Variants in PLXDC2 observed in about 807,000 individuals in gnomAD.
PLXDC2 encodes the protein plexin domain-containing protein 2.
PLXDC2 carries 40 observed loss-of-function variants against 68.9 expected under a neutral mutation model. The ratio of observed to expected loss-of-function variants is 0.58; its 90% CI spans 0.45 to 0.76. The LOEUF is 0.76. Among genes scored for constraint, PLXDC2 ranks in the 30% least tolerant of loss-of-function variants. The pLI is 0.00. For missense variants in PLXDC2, 644 were observed against 661.9 expected (o/e 0.97, Z 0.30); for synonymous variants, 243 against 234.2 (o/e 1.04, Z -0.34).
At chr10:20,252,616 G>A (rs552535724) in intron 13 of PLXDC2, among the ~76,000 whole-genome samples, 1 of 152,284 alleles carries the variant, frequency 6.6e-6, no homozygotes, top group Non-Finnish European at 1.5e-5. Flanking sequence ...TTATGAGGAG[G>A]CAGAAGGCTG....
chr10:19,997,323 A>G (rs978832747), intron 1 of PLXDC2, among the ~76,000 whole-genome samples: 1 of 152,230 alleles, frequency 6.6e-6, no homozygotes, highest in African/African-American at 2.4e-5. Context: ...TCTTAGCCAA[A>G]TATTTTCATC....
intron 3 of PLXDC2, among the ~76,000 whole-genome samples, chr10:20,063,501 A>G (rs1053926531): frequency 2.0e-5 from 3 of 152,212 alleles, no homozygotes; most frequent in African/African-American, 7.2e-5. Context: ...GCATTGACTA[A>G]TTAATTCATC....
rs528926032 is a variant in PLXDC2, at chr10:20,220,442, T to C, written c.1312+1340T>C. ...CTTTAAATCTTAATATGGGTGGTCATTATATGTATATTTATTAGATTTTTT... is the reference window on the plus strand; with the variant it reads ...CTTTAAATCTTAATATGGGTGGTCACTATATGTATATTTATTAGATTTTTT... On this transcript the variant is annotated intron_variant, in intron 12 of 13. Coordinates refer to ENST00000377252, the MANE Select transcript of PLXDC2 (RefSeq NM_032812.9). 7.2e-5 allele frequency among the ~76,000 whole-genome samples: 11 copies of C among 152,298 alleles called. No homozygotes were observed. In the South Asian group the frequency reaches 2.3e-3, roughly 32 times the overall value.
chr10:20,172,539 T>A (rs994878778), intron 7 of PLXDC2, among the ~76,000 whole-genome samples: 2 of 152,158 alleles, frequency 1.3e-5, no homozygotes, highest in African/African-American at 4.8e-5. Context: ...CATGTGAGTA[T>A]TTTTACCTGC....
chr10:19,856,395 C>G (rs1446862500), intron 1 of PLXDC2, among the ~76,000 whole-genome samples: 2 of 151,586 alleles, frequency 1.3e-5, no homozygotes, highest in African/African-American at 4.8e-5. Flanking sequence ...CACACACACA[C>G]ACACACACAC....
chr10:19,924,378 C>T (rs555698091), intron 1 of PLXDC2, among the ~76,000 whole-genome samples: 6 of 152,248 alleles, frequency 3.9e-5, no homozygotes, highest in African/African-American at 1.4e-4. Flanking sequence ...CCTTCACAGC[C>T]CACTCTCCTT....
At chr10:19,852,473 A>G (rs12255607) in intron 1 of PLXDC2, among the ~76,000 whole-genome samples, 23,501 of 140,746 alleles carry the variant, frequency 0.17, 2,136 homozygotes, top group Non-Finnish European at 0.18. Context: ...AAAGTTTTCA[A>G]TAGGCTCCTT....
chr10:20,253,497 G>T (rs1475539367), intron 13 of PLXDC2, among the ~76,000 whole-genome samples: 2 of 152,000 alleles, frequency 1.3e-5, no homozygotes, highest in Non-Finnish European at 2.9e-5. Context: ...GGACATAAAT[G>T]TCTAAATACC....
At chr10:19,895,682 C>G (rs1838044989) in intron 1 of PLXDC2, among the ~76,000 whole-genome samples, 2 of 152,138 alleles carry the variant, frequency 1.3e-5, no homozygotes, top group African/African-American at 4.8e-5. Flanking sequence ...TTAGACAGCT[C>G]AGTTCTGAAA....
chr10:20,146,200 G>A (rs1289205022), intron 5 of PLXDC2, among the ~76,000 whole-genome samples: 2 of 152,094 alleles, frequency 1.3e-5, no homozygotes, highest in Non-Finnish European at 2.9e-5. Context: ...GAGCTTGAGG[G>A]TTGTAGACAT....
At chr10:20,138,541 A>T (rs968086086) in intron 4 of PLXDC2, among the ~76,000 whole-genome samples, 2 of 152,230 alleles carry the variant, frequency 1.3e-5, no homozygotes, top group African/African-American at 4.8e-5. Context: ...AGCCTTATTA[A>T]ATACTTCATT....
intron 1 of PLXDC2, among the ~76,000 whole-genome samples, chr10:19,909,144 C>T (rs1833221172): frequency 6.6e-6 from 1 of 152,082 alleles, no homozygotes; most frequent in African/African-American, 2.4e-5. Context: ...TGGGTAAGAA[C>T]TGCAGCTGTG....
At chr10:20,134,766 A>G (rs1473190006) in intron 4 of PLXDC2, among the ~76,000 whole-genome samples, 2 of 152,038 alleles carry the variant, frequency 1.3e-5, no homozygotes, top group Admixed American at 6.6e-5. Context: ...CCAGCCTGTA[A>G]CCTAGGATTG....
At chr10:19,893,544 C>T (rs1385917765) in intron 1 of PLXDC2, among the ~76,000 whole-genome samples, 1 of 152,152 alleles carries the variant, frequency 6.6e-6, no homozygotes, top group Non-Finnish European at 1.5e-5. Context: ...TAAACTCCAC[C>T]TGATAACTTT....
rs139279058 is a variant in PLXDC2, at chr10:20,080,317, A to G, written c.541+12078A>G. ...TGGATATATGAAGGGGAGTTTATCAAGGAGTATTGACTCACATGATCAAAA... is the reference window on the plus strand; with the variant it reads ...TGGATATATGAAGGGGAGTTTATCAGGGAGTATTGACTCACATGATCAAAA... On this transcript the variant is annotated intron_variant, in intron 4 of 13. Transcript: ENST00000377252. Among the ~76,000 whole-genome samples, 355 of 152,294 alleles carry G rather than the reference A, an allele frequency of 2.3e-3. 1 individual carries two copies. The highest frequency in any genetic ancestry group is 8.2e-3 in the African/African-American group (341 of 41,554).
At chr10:20,009,755 C>T (rs1364907044) in intron 2 of PLXDC2, among the ~76,000 whole-genome samples, 1 of 148,996 alleles carries the variant, frequency 6.7e-6, no homozygotes, top group African/African-American at 2.5e-5. Context: ...GCGTGTTTTA[C>T]ACAGATAACC....
chr10:20,191,728 G>T (rs1834768312), intron 9 of PLXDC2, among the ~76,000 whole-genome samples: 1 of 151,904 alleles, frequency 6.6e-6, no homozygotes, highest in South Asian at 2.1e-4. Context: ...AATGGGTGCA[G>T]CACACCAACA....
intron 9 of PLXDC2, among the ~76,000 whole-genome samples, chr10:20,180,511 C>A (rs141230969): frequency 6.8e-4 from 103 of 152,108 alleles, no homozygotes; most frequent in African/African-American, 2.3e-3. Context: ...ACAAATTCAA[C>A]AAAACAGGAG....
At chr10:20,113,368 T>C (rs1033791241) in intron 4 of PLXDC2, among the ~76,000 whole-genome samples, 27 of 152,210 alleles carry the variant, frequency 1.8e-4, no homozygotes, top group African/African-American at 5.8e-4. Flanking sequence ...ATTTCCTTGC[T>C]GTAGTAACTG....
Sources: gnomAD v4.1 joint callset for allele counts (sites outside exome capture counted in the v4.1 genomes callset) on GRCh38, gnomAD v4.1.1 for gene constraint, MANE v1.5 for transcripts, NCBI Gene and HGNC (gene_info 2026-07-23, HGNC 2026-07-21) for gene names.